The following SGCD variants were observed in gnomAD, a reference collection of about 807,000 sequenced individuals.
SGCD encodes the protein delta-sarcoglycan.
Under a neutral mutation model 36.6 loss-of-function variants are expected in SGCD, and 18 were observed. The ratio of observed to expected loss-of-function variants is 0.49; its 90% CI spans 0.34 to 0.73. SGCD has a LOEUF of 0.73. Ranked by LOEUF, SGCD falls within the 30% of genes least tolerant of loss-of-function variation. The probability of loss-of-function intolerance (pLI) is 0.01; values close to 1 mark genes in which losing one functional copy is unlikely to be tolerated. For synonymous variants in SGCD, 133 were observed against 130.6 expected (o/e 1.02, Z -0.12); for missense variants, 387 against 346.7 (o/e 1.12, Z -0.92).
intron 4 of SGCD, among the ~76,000 whole-genome samples, chr5:156,513,763 A>T (rs560588258): frequency 6.6e-6 from 1 of 152,366 alleles, no homozygotes; most frequent in Non-Finnish European, 1.5e-5. Context: ...TCACTTAGGA[A>T]GATAAATTAA....
intron 7 of SGCD, among the ~76,000 whole-genome samples, chr5:156,649,154 CA>C (rs1454410705): frequency 1.3e-5 from 2 of 152,154 alleles, no homozygotes; most frequent in Non-Finnish European, 2.9e-5. Context: ...ATCAAAACCA[CA>C]ATGAGATACC....
intron 3 of SGCD, among the ~76,000 whole-genome samples, chr5:156,298,327 T>C (rs953920057): frequency 7.2e-5 from 11 of 152,152 alleles, no homozygotes; most frequent in African/African-American, 2.7e-4. Context: ...TTAAATTTTT[T>C]AGGAACATCC....
chr5:156,256,237 G>C (rs1765713860), intron 3 of SGCD, among the ~76,000 whole-genome samples: 1 of 152,188 alleles, frequency 6.6e-6, no homozygotes, highest in Non-Finnish European at 1.5e-5. Context: ...AAATGTGTAA[G>C]TCTTAAGCAC....
At chr5:156,210,181 C>T (rs1024622350) in intron 3 of SGCD, among the ~76,000 whole-genome samples, 7 of 152,212 alleles carry the variant, frequency 4.6e-5, no homozygotes, top group Middle Eastern at 3.4e-3. Context: ...ACCCATCTGC[C>T]GACCCAGGCA....
intron 4 of SGCD, among the ~76,000 whole-genome samples, chr5:156,536,994 C>T (rs777609815): frequency 3.3e-5 from 5 of 152,000 alleles, no homozygotes; most frequent in Non-Finnish European, 7.4e-5. Flanking sequence ...GACTTTGTGC[C>T]GCTGGGACTG....
intron 1 of SGCD, among the ~76,000 whole-genome samples, chr5:155,936,121 G>A (rs1302705394): frequency 2.6e-5 from 4 of 152,208 alleles, no homozygotes; most frequent in Admixed American, 2.0e-4. Context: ...GAGCTCCTAG[G>A]TCTGGGCTCC....
rs755655783 is a variant in SGCD, at chr5:156,475,724, C to T, written c.193-32877C>T. On this transcript the variant is annotated intron_variant, in intron 3 of 8. Transcript: ENST00000337851. ...GCAAACAATTCCTGGAGAGTTCTTC[C>T]GAAGTGTATATTTCTTTGATGGTTT... Among the ~76,000 whole-genome samples, 23 of 152,092 alleles carry T rather than the reference C, an allele frequency of 1.5e-4. 1 individual carries two copies. Among genetic ancestry groups the T allele is most frequent in the African/African-American group, 2.2e-4 (9 of 41,392 alleles).
At chr5:156,631,471 T>TC (rs1762629428) in intron 6 of SGCD, among the ~76,000 whole-genome samples, 1 of 151,478 alleles carries the variant, frequency 6.6e-6, no homozygotes, top group African/African-American at 2.4e-5. Context: ...TTTTTTTTTT[T>TC]TTTTTAAAAA....
rs115990456 is a variant in SGCD, at chr5:156,240,046, C to A, written c.-43-89488C>A. On this transcript the variant is annotated intron_variant, in intron 3 of 9. Transcript: ENST00000517913. ...TCGGGACTGTGGGGAACTTGACAGG[C>A]TCACTTGTCTAGAAGGGGAAGCCTT... 9.8e-3 allele frequency among the ~76,000 whole-genome samples: 1,492 copies of A among 152,238 alleles called. 20 individuals carry two copies. The highest frequency in any genetic ancestry group is 0.014 in the Non-Finnish European group (948 of 68,006).
intron 6 of SGCD, among the ~76,000 whole-genome samples, chr5:156,623,573 T>A (rs1762335189): frequency 6.6e-6 from 1 of 152,122 alleles, no homozygotes; most frequent in Admixed American, 6.5e-5. Flanking sequence ...ATCCAATGAG[T>A]TCTGAACACG....
chr5:156,350,508 C>A (rs1273792928), intron 3 of SGCD, among the ~76,000 whole-genome samples: 2 of 151,960 alleles, frequency 1.3e-5, no homozygotes, highest in African/African-American at 4.8e-5. Context: ...CCCAAGGATA[C>A]ATGCTGGAAG....
chr5:156,195,412 G>A (rs946470640), intron 3 of SGCD, among the ~76,000 whole-genome samples: 1 of 152,134 alleles, frequency 6.6e-6, no homozygotes, highest in African/African-American at 2.4e-5. Context: ...ACATCTAAAT[G>A]TTAGATGATA....
chr5:156,698,563 T>C (rs1050581016), intron 7 of SGCD, among the ~76,000 whole-genome samples: 1 of 152,190 alleles, frequency 6.6e-6, no homozygotes, highest in Non-Finnish European at 1.5e-5. Context: ...CAGATGGTAT[T>C]CGGCTTGTGC....
chr5:156,443,417 C>T (rs1398906432), intron 3 of SGCD, among the ~76,000 whole-genome samples: 4 of 152,172 alleles, frequency 2.6e-5, no homozygotes, highest in African/African-American at 9.7e-5. Flanking sequence ...ATAGCAACAG[C>T]ATCATGTGAT....
intron 5 of SGCD, among the ~76,000 whole-genome samples, chr5:156,590,195 T>C (rs1760672889): frequency 6.6e-6 from 1 of 152,164 alleles, no homozygotes; most frequent in African/African-American, 2.4e-5. Flanking sequence ...CCTCGAAACA[T>C]TACTGTTATT....
chr5:156,755,972 C>CT (rs1757320222), intron 7 of SGCD, among the ~76,000 whole-genome samples: 1 of 152,154 alleles, frequency 6.6e-6, no homozygotes, highest in African/African-American at 2.4e-5. Flanking sequence ...GTGGATCTTA[C>CT]TGGTCAGCTT....
chr5:155,944,029 C>T (rs1445989909), intron 1 of SGCD, among the ~76,000 whole-genome samples: 3 of 152,206 alleles, frequency 2.0e-5, no homozygotes, highest in Non-Finnish European at 4.4e-5. Context: ...CACCATTCTG[C>T]ATGACCACAG....
At chr5:155,901,667 G>A (rs999422388) in intron 1 of SGCD, among the ~76,000 whole-genome samples, 2 of 152,152 alleles carry the variant, frequency 1.3e-5, no homozygotes, top group African/African-American at 4.8e-5. Flanking sequence ...TTTAAAACTG[G>A]CCTGACCTCA....
intron 3 of SGCD, among the ~76,000 whole-genome samples, chr5:156,217,430 T>C (rs577799444): frequency 9.2e-5 from 14 of 152,344 alleles, no homozygotes; most frequent in African/African-American, 3.4e-4. Context: ...CATGGTTTTC[T>C]AAGGTAACCA....
Sources: allele counts gnomAD v4.1 joint callset (sites outside exome capture counted in the v4.1 genomes callset), GRCh38; gene constraint gnomAD v4.1.1; transcripts MANE v1.5; gene names NCBI Gene and HGNC (gene_info 2026-07-23, HGNC 2026-07-21).